Variants in ATP8A2 observed in about 807,000 individuals in gnomAD.
ATP8A2 encodes ATPase phospholipid transporting 8A2.
Under a neutral mutation model 165.6 loss-of-function variants are expected in ATP8A2, and 100 were observed. The ratio of observed to expected loss-of-function variants is 0.60; its 90% CI spans 0.51 to 0.71. The LOEUF (loss-of-function observed/expected upper bound fraction) is 0.71. Among genes scored for constraint, ATP8A2 ranks in the 30% least tolerant of loss-of-function variants. The pLI, the probability that ATP8A2 is intolerant of heterozygous loss-of-function variation, is 0.00. For synonymous variants in ATP8A2, 543 were observed against 548.8 expected, an observed-to-expected ratio of 0.99 and a Z score of 0.15; for missense variants, 1,227 against 1,479.5, an observed-to-expected ratio of 0.83 and a Z score of 2.80.
At chr13:25,414,458 C>A (rs909649907) in intron 1 of ATP8A2, among the ~76,000 whole-genome samples, 1 of 152,136 alleles carries the variant, frequency 6.6e-6, no homozygotes, top group Non-Finnish European at 1.5e-5. Flanking sequence ...TCCCAAAGTG[C>A]CGGGATTACA....
intron 30 of ATP8A2, among the ~76,000 whole-genome samples, chr13:25,853,422 TAG>T (rs1566204422): frequency 7.5e-4 from 101 of 135,142 alleles, no homozygotes; most frequent in Admixed American, 2.2e-3. Flanking sequence ...TATATATATA[TAG>T]AATTTCTTAT....
In ATP8A2 at chr13:25,930,352, T is replaced by C. The variant is rs573679438; in HGVS notation, c.3184-31223T>C. On this transcript the variant is annotated intron_variant, in intron 33 of 36. Coordinates refer to ENST00000381655, the MANE Select transcript of ATP8A2 (RefSeq NM_016529.6). ...TCCTGTTAGCTTCCCCGTAAAGCAC[T>C]ATCTGCCCACCTCCGCCCCCATCCC... 5.9e-5 allele frequency among the ~76,000 whole-genome samples: 9 copies of C among 152,270 alleles called. No homozygotes were observed. The South Asian group carries it at 1.0e-3, about 18-fold the overall frequency.
intron 24 of ATP8A2, among the ~76,000 whole-genome samples, chr13:25,601,797 T>G (rs2040395020): frequency 6.6e-6 from 1 of 152,216 alleles, no homozygotes; most frequent in Non-Finnish European, 1.5e-5. Flanking sequence ...TAACGTGATT[T>G]TTTATTACAC....
At position 25,544,225 on chromosome 13, in the gene ATP8A2, A is replaced by G. The variant is rs1394804912; in HGVS notation, c.891+823A>G. 2.6e-5 allele frequency among the ~76,000 whole-genome samples: 4 copies of G among 152,380 alleles called. No individual in the cohort carries two copies. The East Asian group carries it at 5.8e-4, about 22-fold the overall frequency. ...GGGCTAAGGAGTAATATAGAATGAC[A>G]AAGTAGAGAGAGAGATACTGGAATG... is the stretch of plus-strand genomic sequence containing the variant. On this transcript the variant is annotated intron_variant, in intron 10 of 36. Coordinates refer to ENST00000381655, the MANE Select transcript of ATP8A2 (RefSeq NM_016529.6).
intron 2 of ATP8A2, among the ~76,000 whole-genome samples, chr13:25,483,476 G>A (rs1387477434): frequency 6.6e-6 from 1 of 151,990 alleles, no homozygotes; most frequent in Admixed American, 6.5e-5. Context: ...GGTAGGGGCA[G>A]CACTGGCGCT....
rs79716536 is a variant in ATP8A2, at chr13:25,940,284, C to G, written c.3184-21291C>G. ...ACCCTGGAAGCCTCTTCCCAGAGTC[C>G]TCTGCTGATGCTGATGCCTCCCATC... On this transcript the variant is annotated intron_variant, in intron 33 of 36. Coordinates refer to ENST00000381655, the MANE Select transcript of ATP8A2 (RefSeq NM_016529.6). Among the ~76,000 whole-genome samples, 1,081 of 152,278 alleles carry G rather than the reference C, an allele frequency of 7.1e-3. 18 individuals are homozygous for G. Among genetic ancestry groups the G allele is most frequent in the African/African-American group, 0.024 (1,018 of 41,570 alleles).
intron 24 of ATP8A2, among the ~76,000 whole-genome samples, chr13:25,650,604 C>A (rs1245136798): frequency 6.6e-6 from 1 of 152,114 alleles, no homozygotes. Flanking sequence ...AAGGGTACTT[C>A]AGCTTTTTTT....
chr13:25,808,213 T>G (rs1357970928), intron 27 of ATP8A2, among the ~76,000 whole-genome samples: 1 of 151,710 alleles, frequency 6.6e-6, no homozygotes, highest in African/African-American at 2.4e-5. Flanking sequence ...CACTGAAGCT[T>G]TGACTTCTTG....
intron 25 of ATP8A2, among the ~76,000 whole-genome samples, chr13:25,745,220 G>A (rs1195011372): frequency 6.6e-6 from 1 of 152,170 alleles, no homozygotes; most frequent in Non-Finnish European, 1.5e-5. Context: ...TGGGATTACA[G>A]GTGTGAGCCA....
chr13:25,809,950 GC>G (rs1294057360), intron 27 of ATP8A2, among the ~76,000 whole-genome samples: 1 of 152,134 alleles, frequency 6.6e-6, no homozygotes, highest in Non-Finnish European at 1.5e-5. Flanking sequence ...TTAATGTGTT[GC>G]CCCAGAGAGG....
intron 1 of ATP8A2, among the ~76,000 whole-genome samples, chr13:25,390,830 C>G (rs925575145): frequency 6.6e-5 from 10 of 151,186 alleles, no homozygotes; most frequent in Non-Finnish European, 1.2e-4. Context: ...CTCAGGGAGA[C>G]AGGAGAATTG....
At chr13:25,744,945 CTTTTCTTTTT>C (rs2043997394) in intron 25 of ATP8A2, among the ~76,000 whole-genome samples, 1 of 151,824 alleles carries the variant, frequency 6.6e-6, no homozygotes, top group African/African-American at 2.4e-5. Context: ...CTTTTCTTTT[CTTTTCTTTTT>C]TGAGATGGAG....
At chr13:25,969,799 G>A (rs2139212623) in intron 35 of ATP8A2, among the ~76,000 whole-genome samples, 1 of 152,230 alleles carries the variant, frequency 6.6e-6, no homozygotes, top group African/African-American at 2.4e-5. Context: ...CAGTCAACAA[G>A]ACAAAAAGCA....
intron 25 of ATP8A2, among the ~76,000 whole-genome samples, chr13:25,720,951 G>A (rs1226776940): frequency 6.7e-6 from 1 of 150,332 alleles, no homozygotes; most frequent in Non-Finnish European, 1.5e-5. Context: ...CTGAGCTGTG[G>A]GAGCTTTAGC....
chr13:25,643,621 C>A (rs1182094931), intron 24 of ATP8A2, among the ~76,000 whole-genome samples: 13 of 151,716 alleles, frequency 8.6e-5, no homozygotes, highest in Admixed American at 8.5e-4. Context: ...ATTGGTGAGT[C>A]TTTTTTTGTG....
In ATP8A2 at chr13:25,965,838, A is replaced by G. The variant is rs188574084; in HGVS notation, c.3273-2737A>G. 6.2e-3 allele frequency among the ~76,000 whole-genome samples: 951 copies of G among 152,310 alleles called. 6 individuals are homozygous for G. The highest frequency in any genetic ancestry group is 0.022 in the African/African-American group (932 of 41,566). On this transcript the variant is annotated intron_variant, in intron 34 of 36. Transcript: ENST00000381655. ...TTCCTTATTATAATCCCAGATAGGCAGTTAAATGGAAAGAAGAGGTAATGA... is the reference window on the plus strand; with the variant it reads ...TTCCTTATTATAATCCCAGATAGGCGGTTAAATGGAAAGAAGAGGTAATGA...
At chr13:25,891,261 G>A (rs1158575997) in intron 33 of ATP8A2, among the ~76,000 whole-genome samples, 1 of 152,196 alleles carries the variant, frequency 6.6e-6, no homozygotes, top group East Asian at 1.9e-4. Context: ...CGATCGTGTT[G>A]AAAGTGTGTC....
chr13:25,486,304 C>A (rs2036350803), intron 2 of ATP8A2, among the ~76,000 whole-genome samples: 1 of 151,966 alleles, frequency 6.6e-6, no homozygotes, highest in Non-Finnish European at 1.5e-5. Context: ...TAGAAATCAA[C>A]CTGTGATATT....
intron 33 of ATP8A2, chr13:25,871,279 A>T (rs983150791): frequency 2.3e-5 from 7 of 303,900 alleles, no homozygotes; most frequent in African/African-American, 1.6e-4. Flanking sequence ...GTGGTTTTGA[A>T]CTTTTCCTTT....
Sources: gnomAD v4.1 joint callset for allele counts (sites outside exome capture counted in the v4.1 genomes callset) on GRCh38, gnomAD v4.1.1 for gene constraint, MANE v1.5 for transcripts, NCBI Gene and HGNC (gene_info 2026-07-23, HGNC 2026-07-21) for gene names.